The following FHIT variants were observed in gnomAD, a reference collection of about 807,000 sequenced individuals.
FHIT encodes bis(5'-adenosyl)-triphosphatase.
In FHIT, 19 loss-of-function variants were observed where a neutral mutation model predicts 17.9. That is an observed-to-expected ratio of 1.06 (90% CI 0.74 to 1.56). The LOEUF (loss-of-function observed/expected upper bound fraction) is 1.56, where lower values mean the gene tolerates loss of function less well. FHIT is among the 40% of genes most tolerant of loss of function. The probability of loss-of-function intolerance (pLI) is 0.00; values close to 1 mark genes in which losing one functional copy is unlikely to be tolerated. For missense variants in FHIT, 248 were observed against 189.2 expected, an observed-to-expected ratio of 1.31 and a Z score of -1.82; for synonymous variants, 81 against 69.7, an observed-to-expected ratio of 1.16 and a Z score of -0.81.
At chr3:59,752,564 A>G (rs182878472) in intron 8 of FHIT, among the ~76,000 whole-genome samples, 7 of 152,302 alleles carry the variant, frequency 4.6e-5, no homozygotes, top group Admixed American at 3.9e-4. Flanking sequence ...ATGATATGAT[A>G]TAGGTCTGTG....
At chr3:60,576,978 A>G (rs1398512807) in intron 4 of FHIT, among the ~76,000 whole-genome samples, 2 of 151,286 alleles carry the variant, frequency 1.3e-5, no homozygotes, top group African/African-American at 4.9e-5. Context: ...ACACACACAC[A>G]CAGGTCTCAT....
chr3:59,993,471 C>T (rs1404263402), intron 7 of FHIT, among the ~76,000 whole-genome samples: 1 of 151,940 alleles, frequency 6.6e-6, no homozygotes, highest in East Asian at 1.9e-4. Context: ...GTTCATTCAG[C>T]CTGAGGATGG....
chr3:59,749,515 C>CGG lies in FHIT; in HGVS notation c.*68_*69dup, dbSNP rs11462420. On this transcript the variant is annotated 3_prime_UTR_variant, in exon 10 of 10. Coordinates refer to ENST00000492590, the MANE Select transcript of FHIT (RefSeq NM_002012.4). ...TGATTCAGTTCCTCTTGGGGAGAGG[C>CGG]GGGGGGCGGTCTTCAAACTGGTTGG... 33 of 229,574 alleles carry CGG rather than the reference C, an allele frequency of 1.4e-4. No individual in the cohort carries two copies. The highest frequency in any genetic ancestry group is 4.0e-4 in the Admixed American group (7 of 17,624). 14.2% of individuals were successfully genotyped at this position (229,574 alleles called of 1,614,324 possible). A position where few individuals can be genotyped will look rare whatever the true frequency, so the allele number is the denominator to read the frequency against.
At chr3:61,220,473 T>G (rs1169618230) in intron 1 of FHIT, among the ~76,000 whole-genome samples, 2 of 152,248 alleles carry the variant, frequency 1.3e-5, no homozygotes, top group Non-Finnish European at 1.5e-5. Context: ...ATGTATGCAT[T>G]TCTTACAGAA....
chr3:60,491,292 C>T (rs909710432), intron 5 of FHIT, among the ~76,000 whole-genome samples: 2 of 152,062 alleles, frequency 1.3e-5, no homozygotes, highest in Admixed American at 1.3e-4. Context: ...TCTCCACACA[C>T]CCACTCCCTT....
At chr3:60,776,082 C>A (rs1321633627) in intron 4 of FHIT, among the ~76,000 whole-genome samples, 4 of 152,196 alleles carry the variant, frequency 2.6e-5, no homozygotes, top group African/African-American at 7.2e-5. Flanking sequence ...CCACCCCCAA[C>A]AACTGTCAGT....
intron 5 of FHIT, among the ~76,000 whole-genome samples, chr3:60,049,835 A>G (rs1478690738): frequency 6.6e-6 from 1 of 152,194 alleles, no homozygotes; most frequent in African/African-American, 2.4e-5. Flanking sequence ...ATTCTATAAT[A>G]AGCATAAATA....
At chr3:60,707,750 C>G (rs1364725943) in intron 4 of FHIT, among the ~76,000 whole-genome samples, 2 of 152,158 alleles carry the variant, frequency 1.3e-5, no homozygotes, top group African/African-American at 2.4e-5. Flanking sequence ...AAATAACACT[C>G]ACAGTTGGCA....
intron 7 of FHIT, among the ~76,000 whole-genome samples, chr3:59,938,474 T>C (rs993538231): frequency 3.0e-4 from 46 of 152,130 alleles, no homozygotes; most frequent in African/African-American, 1.1e-3. Flanking sequence ...AGTCTAGAGA[T>C]CTAACATACA....
chr3:60,555,668 T>C (rs550217860), intron 4 of FHIT, among the ~76,000 whole-genome samples: 2 of 152,294 alleles, frequency 1.3e-5, no homozygotes, highest in African/African-American at 4.8e-5. Flanking sequence ...CCCATCTCAT[T>C]ACCTCTTCAC....
chr3:60,075,046 G>GC (rs1184716612), intron 5 of FHIT, among the ~76,000 whole-genome samples: 3 of 152,116 alleles, frequency 2.0e-5, no homozygotes, highest in East Asian at 3.9e-4. Flanking sequence ...GCCAGTTTCT[G>GC]CCCCCCTAAA....
chr3:60,859,088 T>A lies in FHIT; in HGVS notation c.-110-37077A>T, dbSNP rs115682265. Among the ~76,000 whole-genome samples the A allele has an allele frequency of 2.1e-3, 315 of 152,320 alleles. 1 individual carries two copies. The highest frequency in any genetic ancestry group is 7.3e-3 in the African/African-American group (302 of 41,588). On this transcript the variant is annotated intron_variant, in intron 3 of 9. Transcript: ENST00000492590. ...CTGGAAGTCTAGAACATTCTGCATT[T>A]GTGGTATTTACAGCTTTTGTTTCTA...
intron 8 of FHIT, among the ~76,000 whole-genome samples, chr3:59,861,637 T>C (rs951663130): frequency 1.3e-5 from 2 of 152,208 alleles, no homozygotes; most frequent in Non-Finnish European, 2.9e-5. Context: ...AGGTGATGAA[T>C]TGCAAATCAA....
intron 4 of FHIT, among the ~76,000 whole-genome samples, chr3:60,547,336 C>T (rs1355331961): frequency 6.6e-6 from 1 of 152,022 alleles, no homozygotes; most frequent in Non-Finnish European, 1.5e-5. Flanking sequence ...AAGGTTTAGA[C>T]CCTTAGACTT....
At chr3:60,844,446 C>G (rs1158873455) in intron 3 of FHIT, among the ~76,000 whole-genome samples, 1 of 152,046 alleles carries the variant, frequency 6.6e-6, no homozygotes, top group Non-Finnish European at 1.5e-5. Context: ...GTTGTAAAGG[C>G]CCGATGATAA....
intron 3 of FHIT, among the ~76,000 whole-genome samples, chr3:60,942,821 G>A (rs1035604533): frequency 2.6e-5 from 4 of 151,750 alleles, no homozygotes; most frequent in African/African-American, 4.8e-5. Context: ...CGTTTCTAAC[G>A]TATACATTTA....
intron 4 of FHIT, among the ~76,000 whole-genome samples, chr3:60,674,121 A>G (rs1316045626): frequency 2.0e-5 from 3 of 152,134 alleles, no homozygotes; most frequent in African/African-American, 7.2e-5. Context: ...TCTTCAGATC[A>G]GACAATTTCT....
At chr3:60,639,006 T>TAA (rs782748153) in intron 4 of FHIT, among the ~76,000 whole-genome samples, 3 of 116,188 alleles carry the variant, frequency 2.6e-5, no homozygotes, top group Admixed American at 8.9e-5. Flanking sequence ...ATGCATAAAT[T>TAA]AAAAAAAAAA....
intron 3 of FHIT, among the ~76,000 whole-genome samples, chr3:60,969,510 T>C (rs2107525968): frequency 6.6e-6 from 1 of 152,274 alleles, no homozygotes; most frequent in East Asian, 1.9e-4. Context: ...AAAACTGCTT[T>C]AGCTGCAACA....
Sources: gnomAD v4.1 joint callset for allele counts (sites outside exome capture counted in the v4.1 genomes callset) on GRCh38, gnomAD v4.1.1 for gene constraint, MANE v1.5 for transcripts, NCBI Gene and HGNC (gene_info 2026-07-23, HGNC 2026-07-21) for gene names.